CNTNAP1: variants seen among roughly 807,000 people sequenced by gnomAD.
The protein encoded by CNTNAP1 is contactin-associated protein 1.
In CNTNAP1, 80 loss-of-function variants were observed where a neutral mutation model predicts 161.5. The observed-to-expected ratio is 0.50, with a 90% CI of 0.41 to 0.60. The LOEUF (loss-of-function observed/expected upper bound fraction) is 0.60. CNTNAP1 is among the 20% of genes least tolerant of loss of function. CNTNAP1 has a pLI of 0.00. For synonymous variants in CNTNAP1, 695 were observed against 733.1 expected (o/e 0.95, Z 0.84); for missense variants, 1,464 against 1,854.8 (o/e 0.79, Z 3.87).
Position 42,692,737 on chromosome 17 carries a change from A to T in CNTNAP1, c.2752+17A>T. On this transcript the variant is annotated intron_variant, in intron 17 of 23. Transcript: ENST00000264638. ...TCTATGTGGGTAAGCAGCAACCCAG[A>T]GGCAAGTCTGAAGCCTCCTTTACCT... The T allele has an allele frequency of 6.3e-7, 1 of 1,589,708 alleles. No individual in the cohort carries two copies. Among genetic ancestry groups the T allele is most frequent in the South Asian group, 1.1e-5 (1 of 88,956 alleles).
At chr17:42,693,767 C>G (rs2053121062) in intron 18 of CNTNAP1, among the ~76,000 whole-genome samples, 1 of 152,122 alleles carries the variant, frequency 6.6e-6, no homozygotes, top group African/African-American at 2.4e-5. Flanking sequence ...CTCAAAATCA[C>G]CAAGTATGCT....
chr17:42,683,496 T>G (rs1240263017), intron 1 of CNTNAP1: 33 of 1,175,104 alleles, frequency 2.8e-5, no homozygotes, highest in Non-Finnish European at 3.5e-5. Flanking sequence ...TTGGGTTGAC[T>G]TAGGTTGTGG....
chr17:42,695,926 T>C (rs2053146731), intron 19 of CNTNAP1, 52 bp downstream of exon 19: 1 of 1,596,298 alleles, frequency 6.3e-7, no homozygotes, highest in Admixed American at 1.7e-5. Flanking sequence ...CCGGTGCCCC[T>C]AATTCTCCTA....
intron 20 of CNTNAP1, 42 bp from the exon 21 acceptor site, chr17:42,697,232 C>G (rs1440387834): frequency 7.1e-7 from 1 of 1,405,464 alleles, no homozygotes; most frequent in African/African-American, 1.4e-5. Flanking sequence ...GCTTCTGGTC[C>G]CCGCTCCCTC....
At position 42,697,132 on chromosome 17, in the gene CNTNAP1, G is replaced by A. The variant is rs968273168; in HGVS notation, c.3475-142G>A. On this transcript the variant is annotated intron_variant, in intron 20 of 23. Transcript: ENST00000264638. ...AGCTAGGACTCACCCAGCTGGCACC[G>A]CCAGTTTGGACAGAATGAGAGATCT... 34 of 667,168 alleles carry A rather than the reference G, an allele frequency of 5.1e-5. 1 individual carries two copies. Among genetic ancestry groups the A allele is most frequent in the South Asian group, 4.1e-4 (23 of 56,446 alleles). 41.3% of individuals were successfully genotyped at this position (667,168 alleles called of 1,614,324 possible).
At chr17:42,698,534 CGTGTGTGTGTGTGTGTGTGTGTGT>C (rs112344327) in intron 23 of CNTNAP1, 60 bp from the exon 24 acceptor site, 2 of 863,908 alleles carry the variant, frequency 2.3e-6, no homozygotes, top group Non-Finnish European at 3.5e-6. Flanking sequence ...TCAAAGAGTG[CGTGTGTGTGTGTGTGTGTGTGTGT>C]GTGTGTGTGT....
chr17:42,688,149 G>A (rs1314945762), intron 8 of CNTNAP1, among the ~76,000 whole-genome samples, 168 bp downstream of exon 8: 2 of 152,230 alleles, frequency 1.3e-5, no homozygotes, highest in Non-Finnish European at 2.9e-5. Context: ...GCTAGAGGCA[G>A]TGAGGAGGCG....
rs2053029109 is a variant in CNTNAP1, at chr17:42,687,166, A to G, written c.1044+120A>G. On this transcript the variant is annotated intron_variant, in intron 7 of 23. Transcript: ENST00000264638. The surrounding 1 kb of genome is among the most constrained non-coding windows in gnomAD (Gnocchi z 4.7). ...GCGGAGAATCCCTCTGTCCCCAGCC[A>G]GATGCTCAAGTTGGGAGGGGAGCGG... 5 of 1,399,758 alleles carry G rather than the reference A, an allele frequency of 3.6e-6. No homozygotes were observed. Among genetic ancestry groups the G allele is most frequent in the Non-Finnish European group, 3.9e-6 (4 of 1,037,190 alleles). The allele number at this position is 1,399,758 out of a possible 1,614,324, so 86.7% of individuals were successfully genotyped here. A position where few individuals can be genotyped will look rare whatever the true frequency, so the allele number is the denominator to read the frequency against.
In CNTNAP1 at chr17:42,698,589, ATCTG is replaced by A; in HGVS notation, c.3863-28_3863-25del. 3 of 1,557,042 alleles carry A rather than the reference ATCTG, an allele frequency of 1.9e-6. No individual in the cohort carries two copies. In the East Asian group the frequency reaches 6.8e-5, roughly 35 times the overall value. ...TGTGTATACAGGTGAGATCCCAAAG[ATCTG>A]AATTGTCCCTTTTCTTCTTTTCAGT... On this transcript the variant is annotated intron_variant, in intron 23 of 23. Transcript: ENST00000264638.
Position 42,684,053 on chromosome 17 carries a change from C to T in CNTNAP1, c.187C>T (p.Pro63Ser). The change falls in exon 3 of 24, where the codon CCA becomes TCA. Residue 63 changes from proline (P) to serine (S), a missense_variant. Pro to Ser is a moderately conservative substitution (Grantham distance 74, BLOSUM62 -1). This residue lies in a region of CNTNAP1 where 4 missense variants were observed against 16.3 expected (regional missense o/e 0.25). Coordinates refer to ENST00000264638, the MANE Select transcript of CNTNAP1 (RefSeq NM_003632.3). ...TTCTATAGGCATAAGCGGGTGGTCA[C>T]CACGGATTGGGGATCCGAATCCCTG... Reference protein sequence around the residue: ...ARLHGISGWSPRIGDPNPWLQ... With the variant: ...ARLHGISGWSSRIGDPNPWLQ... The T allele has an allele frequency of 6.2e-7, 1 of 1,614,168 alleles. No homozygotes were observed. Among genetic ancestry groups the T allele is most frequent in the South Asian group, 1.1e-5 (1 of 91,082 alleles).
intron 10 of CNTNAP1, 44 bp from the exon 11 acceptor site, chr17:42,689,477 G>C: frequency 2.0e-6 from 3 of 1,497,682 alleles, no homozygotes; most frequent in Non-Finnish European, 1.8e-6. Context: ...CCACTCTCCA[G>C]CTCCCAGTAA....
In CNTNAP1 at chr17:42,695,767, C is replaced by A; in HGVS notation, c.3239C>A (p.Thr1080Lys). ...TACCGTGGGCCTGTCTACAACGTTACGGGAGAGGAGGTCTCCTTCAGCTTC... is the reference window on the plus strand; with the variant it reads ...TACCGTGGGCCTGTCTACAACGTTAAGGGAGAGGAGGTCTCCTTCAGCTTC... The part of the protein sequence containing the change: ...PGYRGPVYNV[T>K]GEEVSFSFST... Residue 1080 changes from threonine to lysine, a missense_variant, in exon 19 of 24, where the codon ACG becomes AAG. By Grantham distance (78) the Thr-to-Lys change is moderately conservative. Around this residue, in one of 3 missense-constraint regions of CNTNAP1, gnomAD observed 1,383 missense variants for 1,765.0 expected, o/e 0.78. Coordinates refer to ENST00000264638, the MANE Select transcript of CNTNAP1 (RefSeq NM_003632.3). 2.5e-6 allele frequency: 4 copies of A among 1,614,214 alleles called. No homozygotes were observed. Among genetic ancestry groups the A allele is most frequent in the Non-Finnish European group, 3.4e-6 (4 of 1,180,032 alleles).
intron 20 of CNTNAP1, among the ~76,000 whole-genome samples, chr17:42,696,620 G>T (rs2053156291): frequency 6.6e-6 from 1 of 152,134 alleles, no homozygotes; most frequent in Non-Finnish European, 1.5e-5. Context: ...ACCGCGCCCA[G>T]CCAGACAATA....
In CNTNAP1 at chr17:42,691,174, G is replaced by A. The variant is rs2143663642; in HGVS notation, c.2097G>A (p.Glu699=). The A allele has an allele frequency of 1.2e-6, 2 of 1,614,192 alleles. No individual in the cohort carries two copies. The highest frequency in any genetic ancestry group is 1.7e-6 in the Non-Finnish European group (2 of 1,180,018). Residue 699 remains glutamate, a synonymous_variant, in exon 14 of 24, where the codon GAG becomes GAA. Transcript: ENST00000264638. This position sits in a 1 kb window ranked among gnomAD's most constrained non-coding sequence, Gnocchi z 4.3. ...ACAGCTTTTGGATTGGCCGAAATGA[G>A]GAGCAGCACTTCTACTGGGGAGGCT... ...YPYSFWIGRN[E]EQHFYWGGSQ...
Position 42,691,240 on chromosome 17 carries a change from G to A in CNTNAP1, c.2163G>A (p.Arg721=). Reference sequence around the variant, plus strand: ...AGCGCTGTGCCTGTGGTCTGGACCGGAGCTGTGTGGACCCTGCCTTGTACT... The same window carrying A: ...AGCGCTGTGCCTGTGGTCTGGACCGAAGCTGTGTGGACCCTGCCTTGTACT... ...GIQRCACGLD[R]SCVDPALYCN... Residue 721 remains arginine (R), a synonymous_variant, in exon 14 of 24, where the codon CGG becomes CGA. Transcript: ENST00000264638. The surrounding 1 kb of genome is among the most constrained non-coding windows in gnomAD (Gnocchi z 4.3). 1.2e-6 allele frequency: 2 copies of A among 1,614,162 alleles called. No homozygotes were observed. The highest frequency in any genetic ancestry group is 1.1e-5 in the South Asian group (1 of 91,088).
rs776364193 is a variant in CNTNAP1, at chr17:42,697,944, T to C, written c.3856T>C (p.Leu1286=). 18 of 1,614,038 alleles carry C rather than the reference T, an allele frequency of 1.1e-5. No individual in the cohort carries two copies. The Admixed American group carries it at 1.8e-4, about 16-fold the overall frequency. Residue 1286 remains leucine (L), a synonymous_variant, in exon 23 of 24, where the codon TTA becomes CTA. Coordinates refer to ENST00000264638, the MANE Select transcript of CNTNAP1 (RefSeq NM_003632.3). ...YHDEGWVAIL[L]GFLVAFLLLG... Reference sequence around the variant, plus strand: ...TGATGAAGGATGGGTTGCCATACTTTTAGGCTGTGAGTAGCACTGATCACT... The same window carrying C: ...TGATGAAGGATGGGTTGCCATACTTCTAGGCTGTGAGTAGCACTGATCACT...
chr17:42,697,377 G>A lies in CNTNAP1; in HGVS notation c.3568+10G>A, dbSNP rs2053164874. 14 of 1,613,618 alleles carry A rather than the reference G, an allele frequency of 8.7e-6. No homozygotes were observed. Among genetic ancestry groups the A allele is most frequent in the East Asian group, 2.2e-5 (1 of 44,896 alleles). ...TTAGGGCGTGTGATGGGTAAGCTGCGGGTGCGGACGCGTTTTAGGCAAGGA... is the reference window on the plus strand; with the variant it reads ...TTAGGGCGTGTGATGGGTAAGCTGCAGGTGCGGACGCGTTTTAGGCAAGGA... On this transcript the variant is annotated intron_variant, in intron 21 of 23. Coordinates refer to ENST00000264638, the MANE Select transcript of CNTNAP1 (RefSeq NM_003632.3).
chr17:42,696,218 A>C, intron 20 of CNTNAP1, 66 bp downstream of exon 20: 2 of 1,579,924 alleles, frequency 1.3e-6, no homozygotes, highest in Non-Finnish European at 1.7e-6. Context: ...GGCATCCAGG[A>C]AAACATCAAA....
intron 1 of CNTNAP1, 155 bp from the exon 2 acceptor site, chr17:42,683,666 A>C: frequency 7.0e-7 from 1 of 1,429,940 alleles, no homozygotes. Context: ...TGCTGCAGCC[A>C]GGATTGAATA....
Sources: allele counts gnomAD v4.1 joint callset (sites outside exome capture counted in the v4.1 genomes callset), GRCh38; gene constraint gnomAD v4.1.1; regional missense constraint gnomAD v4.1.1; non-coding constraint Gnocchi (gnomAD v3.1); transcripts MANE v1.5; gene names NCBI Gene and HGNC (gene_info 2026-07-23, HGNC 2026-07-21).